MAP3K15: variants seen among roughly 807,000 people sequenced by gnomAD.
MAP3K15 encodes mitogen-activated protein kinase kinase kinase 15.
MAP3K15 carries 124 observed loss-of-function variants against 99.5 expected under a neutral mutation model. The observed-to-expected ratio is 1.25, with a 90% CI of 1.08 to 1.45. The LOEUF (loss-of-function observed/expected upper bound fraction) is 1.45. Ranked by LOEUF, MAP3K15 falls within the 40% of genes most tolerant of loss-of-function variation. The pLI is 0.00. For synonymous variants in MAP3K15, 494 were observed against 439.6 expected (o/e 1.12, Z -1.55); for missense variants, 1,242 against 1,079.7 (o/e 1.15, Z -2.11).
chrX:19,375,702 G>A (rs2063412036), intron 19 of MAP3K15, among the ~76,000 whole-genome samples: 1 of 112,225 alleles, frequency 8.9e-6, no homozygotes, highest in Non-Finnish European at 1.9e-5. Flanking sequence ...CTGGGGGCTG[G>A]CTCAGCCTCC....
chrX:19,423,526 G>A (rs184964897), intron 9 of MAP3K15, among the ~76,000 whole-genome samples: 51 of 111,965 alleles, frequency 4.6e-4, no homozygotes, highest in African/African-American at 1.2e-3. Context: ...GGTACTAAAC[G>A]GAATGGTTCA....
intron 3 of MAP3K15, among the ~76,000 whole-genome samples, chrX:19,471,500 G>A (rs1663727159): frequency 9.0e-6 from 1 of 111,172 alleles, no homozygotes; most frequent in African/African-American, 3.3e-5. Flanking sequence ...AACCTCAGGT[G>A]ATCCACCCAC....
intron 6 of MAP3K15, among the ~76,000 whole-genome samples, chrX:19,445,103 G>A (rs1159695479): frequency 9.0e-6 from 1 of 110,697 alleles, no homozygotes; most frequent in African/African-American, 3.3e-5. Context: ...CCCACACAGT[G>A]GTCATCTGCT....
At chrX:19,363,218 G>A (rs2147200136) in intron 25 of MAP3K15, among the ~76,000 whole-genome samples, 1 of 112,028 alleles carries the variant, frequency 8.9e-6, no homozygotes, top group South Asian at 3.7e-4. Context: ...TGAGGTGAGA[G>A]GAGTGTCCTT....
intron 1 of MAP3K15, among the ~76,000 whole-genome samples, chrX:19,507,985 A>G (rs1290552072): frequency 1.8e-5 from 2 of 111,527 alleles, no homozygotes; most frequent in Non-Finnish European, 3.8e-5. Context: ...CTCCTGGCTC[A>G]GCCTCCCGAG....
At chrX:19,487,026 C>A (rs1480111873) in intron 2 of MAP3K15, among the ~76,000 whole-genome samples, 1 of 105,534 alleles carries the variant, frequency 9.5e-6, no homozygotes, top group Non-Finnish European at 1.9e-5. Flanking sequence ...CTACAACTGT[C>A]TAGGAATGTT....
chrX:19,420,462 A>G (rs2063774437), intron 9 of MAP3K15, among the ~76,000 whole-genome samples: 1 of 111,588 alleles, frequency 9.0e-6, no homozygotes, highest in Non-Finnish European at 1.9e-5. Flanking sequence ...TCCTCGACAC[A>G]TACACCCTCC....
rs1311690664 is a variant in MAP3K15, at chrX:19,415,166, A to C, written c.1531T>G (p.Phe511Val). ...GCCTCAAAAATTATATCTAACCAGA[A>C]GTTCAGCCGCTCTTGCCTGGGCGAG... ...EHSPRQERLN[F>V]WLDIIFEATN... Residue 511 changes from phenylalanine (F) to valine (V), a missense_variant, in exon 10 of 29, where the codon TTC becomes GTC. By Grantham distance (50) the Phe-to-Val change is conservative. Coordinates refer to ENST00000338883, the MANE Select transcript of MAP3K15 (RefSeq NM_001001671.4). 5.9e-6 allele frequency: 7 copies of C among 1,179,056 alleles called. No homozygotes were observed. Among genetic ancestry groups the C allele is most frequent in the Non-Finnish European group, 7.9e-6 (7 of 883,888 alleles).
In MAP3K15 at chrX:19,371,520, TCTTC is replaced by T; in HGVS notation, c.3115_3118del (p.Glu1039SerfsTer16). On this transcript the variant is annotated frameshift_variant, in exon 23 of 29. Transcript: ENST00000338883. LOFTEE classifies it high-confidence loss of function. ...GATGTGTCCAACTGAGAGATGCAAC[TCTTC>T]GGAACTCTGAAAACACACACAAATC... 1 of 1,196,384 alleles carries T rather than the reference TCTTC, an allele frequency of 8.4e-7. No homozygotes were observed. The highest frequency in any genetic ancestry group is 1.1e-6 in the Non-Finnish European group (1 of 883,952).
At chrX:19,464,093 G>T in intron 4 of MAP3K15, 120 bp downstream of exon 4, 1 of 569,684 alleles carries the variant, frequency 1.8e-6, no homozygotes, top group Non-Finnish European at 2.7e-6. Flanking sequence ...AAGTGAGCCA[G>T]TAAGGGACAA....
chrX:19,434,154 C>T (rs762425490), intron 6 of MAP3K15, among the ~76,000 whole-genome samples: 3 of 111,512 alleles, frequency 2.7e-5, no homozygotes, highest in Non-Finnish European at 5.6e-5. Flanking sequence ...ACAAGGTGGT[C>T]CTGGGTATAT....
At chrX:19,478,520 C>G (rs2064268353) in intron 3 of MAP3K15, among the ~76,000 whole-genome samples, 1 of 109,192 alleles carries the variant, frequency 9.2e-6, no homozygotes, top group African/African-American at 3.3e-5. Flanking sequence ...GTTACCCTGA[C>G]CGAGACCTAC....
intron 25 of MAP3K15, among the ~76,000 whole-genome samples, chrX:19,366,006 C>CAAAAAAAAAA (rs1172350617): frequency 5.0e-5 from 1 of 20,106 alleles, no homozygotes; most frequent in African/African-American, 1.0e-4. Context: ...GCCTCCATCT[C>CAAAAAAAAAA]AAAAAAAAAA....
In MAP3K15 at chrX:19,399,594, C is replaced by T. The variant is rs185948487; in HGVS notation, c.1932+982G>A. ...AAATAAAATACAAAAATTAGCCAGG[C>T]GTGGTGGCGGGTGCCTGTAGTCCCA... On this transcript the variant is annotated intron_variant, in intron 14 of 28. Coordinates refer to ENST00000338883, the MANE Select transcript of MAP3K15 (RefSeq NM_001001671.4). 1.7e-4 allele frequency among the ~76,000 whole-genome samples: 18 copies of T among 108,223 alleles called. No homozygotes were observed. In the East Asian group the frequency reaches 4.1e-3, roughly 24 times the overall value. 94.0% of individuals were successfully genotyped at this position (108,223 alleles called of 115,157 possible).
chrX:19,482,574 A>G (rs889248359), intron 3 of MAP3K15, among the ~76,000 whole-genome samples: 2 of 111,915 alleles, frequency 1.8e-5, no homozygotes, highest in Admixed American at 1.9e-4. Context: ...AAAGCAGATT[A>G]GTTCTTGCCT....
intron 1 of MAP3K15, among the ~76,000 whole-genome samples, chrX:19,508,706 G>A (rs1315666865): frequency 1.8e-5 from 2 of 110,403 alleles, no homozygotes; most frequent in African/African-American, 3.3e-5. Context: ...CACAGAGTGA[G>A]AGTTCACCTC....
At chrX:19,449,591 T>C (rs767913198) in intron 6 of MAP3K15, among the ~76,000 whole-genome samples, 2 of 108,913 alleles carry the variant, frequency 1.8e-5, no homozygotes, top group South Asian at 4.1e-4. Context: ...CATCTTACTA[T>C]ACATAGGACA....
chrX:19,391,728 C>T (rs1347782282), intron 18 of MAP3K15, among the ~76,000 whole-genome samples: 1 of 102,724 alleles, frequency 9.7e-6, no homozygotes, highest in Non-Finnish European at 2.0e-5. Flanking sequence ...GAAAAGAAAA[C>T]CTCAGAACCT....
Position 19,515,232 on chromosome X carries a change from G to T in MAP3K15, c.30C>A (p.Ala10=). MESGGGNAP[A]GALGAASESP... The stretch of plus-strand genomic sequence containing the variant: ...ACTCGCTCGCCGCCCCGAGGGCCCC[G>T]GCCGGAGCATTCCCACCGCCGCTCT... Residue 10 remains alanine (A), a synonymous_variant, in exon 1 of 29, where the codon GCC becomes GCA. Coordinates refer to ENST00000338883, the MANE Select transcript of MAP3K15 (RefSeq NM_001001671.4). The T allele has an allele frequency of 1.1e-6, 1 of 888,937 alleles. No homozygotes were observed. The allele number at this position is 888,937 out of a possible 1,213,427, so 73.3% of individuals were successfully genotyped here.
Sources: gnomAD v4.1 joint callset for allele counts (sites outside exome capture counted in the v4.1 genomes callset) on GRCh38, gnomAD v4.1.1 for gene constraint, MANE v1.5 for transcripts, NCBI Gene and HGNC (gene_info 2026-07-23, HGNC 2026-07-21) for gene names.